LARP1B: variants seen among roughly 807,000 people sequenced by gnomAD.
LARP1B encodes the protein La ribonucleoprotein 1B, also known as la-related protein 1B.
Under a neutral mutation model 114.2 loss-of-function variants are expected in LARP1B, and 76 were observed. That is an observed-to-expected ratio of 0.67 (90% confidence interval 0.55 to 0.81). The LOEUF is 0.81. Among genes scored for constraint, LARP1B ranks in the 30% least tolerant of loss-of-function variants. The pLI is 0.00. For missense variants in LARP1B, 1,014 were observed against 1,075.8 expected, an observed-to-expected ratio of 0.94 and a Z score of 0.80; for synonymous variants, 345 against 348.0, an observed-to-expected ratio of 0.99 and a Z score of 0.10.
At chr4:128,171,505 TCTTTCAAGCGTGTTTTA>T (rs919523624) in intron 12 of LARP1B, among the ~76,000 whole-genome samples, 2 of 152,176 alleles carry the variant, frequency 1.3e-5, no homozygotes, top group Non-Finnish European at 2.9e-5. Context: ...TGTTTGATTG[TCTTTCAAGCGTGTTTTA>T]CTTTCAAGCG....
intron 11 of LARP1B, chr4:128,156,221 TC>T: frequency 6.4e-7 from 1 of 1,553,458 alleles, no homozygotes; most frequent in South Asian, 1.2e-5. Flanking sequence ...CGAGCCTTAC[TC>T]CCTGCAGGTG....
At chr4:128,157,140 AAAAAT>A (rs1273612667) in intron 11 of LARP1B, among the ~76,000 whole-genome samples, 1 of 152,112 alleles carries the variant, frequency 6.6e-6, no homozygotes, top group Non-Finnish European at 1.5e-5. Flanking sequence ...TAATAAGTTA[AAAAAT>A]AAAAGATAAG....
At chr4:128,162,338 G>GT (rs1360741335) in intron 12 of LARP1B, 21 bp downstream of exon 12, 3 of 1,606,494 alleles carry the variant, frequency 1.9e-6, no homozygotes, top group East Asian at 4.5e-5. Context: ...CTGCTTTTGT[G>GT]TAAGTGTCTG....
chr4:128,095,489 C>CAA (rs11311661), intron 7 of LARP1B, among the ~76,000 whole-genome samples: 7 of 61,260 alleles, frequency 1.1e-4, no homozygotes, highest in Admixed American at 2.0e-4. Context: ...AACTCCATCT[C>CAA]AAAAAAAAAA....
chr4:128,164,784 A>G lies in LARP1B; in HGVS notation c.1648+2467A>G, dbSNP rs192112750. ...AGACCAGCCTGGGCATACTGTTGCA[A>G]ATGTTTACCAAGAGAACATTTGTAG... On this transcript the variant is annotated intron_variant, in intron 12 of 19. Transcript: ENST00000326639. Among the ~76,000 whole-genome samples the G allele has an allele frequency of 1.3e-3, 196 of 152,296 alleles. 1 individual carries two copies. The highest frequency in any genetic ancestry group is 6.1e-3 in the Admixed American group (93 of 15,290).
intron 5 of LARP1B, among the ~76,000 whole-genome samples, chr4:128,088,348 T>G (rs1413929278): frequency 6.6e-6 from 1 of 152,210 alleles, no homozygotes; most frequent in Non-Finnish European, 1.5e-5. Context: ...GTTTCTTTCA[T>G]GTTTTGAAAT....
At chr4:128,166,037 C>G (rs1740666011) in intron 12 of LARP1B, among the ~76,000 whole-genome samples, 1 of 152,000 alleles carries the variant, frequency 6.6e-6, no homozygotes, top group African/African-American at 2.4e-5. Flanking sequence ...GACCAGACCT[C>G]CATCCTGTAT....
chr4:128,199,482 A>G lies in LARP1B; in HGVS notation c.2047A>G (p.Ser683Gly), dbSNP rs751008946. Residue 683 changes from serine to glycine, a missense_variant, in exon 16 of 20, where the codon AGT (serine) becomes GGT (glycine). By Grantham distance (56) the Ser-to-Gly change is moderately conservative. Transcript: ENST00000326639. ...SPSEGAPLAG[S>G]YGCTPHSFPK... is the part of the protein sequence containing the mutation. ...TTCAGAAGGCGCACCACTAGCAGGA[A>G]GTTATGGATGTACTCCTCATTCATT... 4.4e-6 allele frequency: 7 copies of G among 1,598,700 alleles called. No homozygotes were observed. Among genetic ancestry groups the G allele is most frequent in the Non-Finnish European group, 4.3e-6 (5 of 1,172,010 alleles).
At chr4:128,183,402 G>A (rs1749231086) in intron 15 of LARP1B, among the ~76,000 whole-genome samples, 1 of 152,174 alleles carries the variant, frequency 6.6e-6, no homozygotes. Flanking sequence ...ATCTGCTTAT[G>A]CTCTATAAAT....
intron 12 of LARP1B, among the ~76,000 whole-genome samples, chr4:128,174,925 G>T (rs1745273587): frequency 6.6e-6 from 1 of 152,018 alleles, no homozygotes; most frequent in South Asian, 2.1e-4. Context: ...GTCCCTAATT[G>T]TGTGACGTAT....
intron 12 of LARP1B, among the ~76,000 whole-genome samples, chr4:128,169,561 G>A (rs1321794912): frequency 6.6e-6 from 1 of 151,880 alleles, no homozygotes; most frequent in Non-Finnish European, 1.5e-5. Flanking sequence ...TTATTGATTT[G>A]AGAGTTTCTT....
intron 1 of LARP1B, among the ~76,000 whole-genome samples, chr4:128,072,705 C>T (rs1015413840): frequency 2.0e-5 from 3 of 152,060 alleles, no homozygotes; most frequent in East Asian, 1.9e-4. Flanking sequence ...TACAGGCATG[C>T]GCCACCACAC....
At chr4:128,192,138 T>A (rs1752500573) in intron 15 of LARP1B, among the ~76,000 whole-genome samples, 1 of 152,218 alleles carries the variant, frequency 6.6e-6, no homozygotes, top group South Asian at 2.1e-4. Flanking sequence ...GACATCATTG[T>A]CTCAATAAAG....
intron 15 of LARP1B, among the ~76,000 whole-genome samples, chr4:128,199,061 T>TC (rs1286536595): frequency 6.6e-6 from 1 of 152,206 alleles, no homozygotes; most frequent in Non-Finnish European, 1.5e-5. Context: ...ATCCCTAATC[T>TC]CCATGTATTC....
rs1033262167 is a variant in LARP1B, at chr4:128,132,541, C to T, written c.1524+10353C>T. On this transcript the variant is annotated intron_variant, in intron 11 of 19. Coordinates refer to ENST00000326639, the MANE Select transcript of LARP1B (RefSeq NM_018078.4). ...GATTACAGGGGTGAGCCACTGTGCC[C>T]GGCCAATTTTTAAATTTTTATTTTT... 5.9e-5 allele frequency among the ~76,000 whole-genome samples: 9 copies of T among 151,936 alleles called. No homozygotes were observed. The South Asian group carries it at 1.0e-3, about 18-fold the overall frequency.
chr4:128,138,374 G>C (rs1726377495), intron 11 of LARP1B, among the ~76,000 whole-genome samples: 1 of 152,292 alleles, frequency 6.6e-6, no homozygotes, highest in African/African-American at 2.4e-5. Context: ...TCAAAATGGA[G>C]TGGAAAAGAA....
At chr4:128,097,889 A>G (rs1778648340) in intron 7 of LARP1B, among the ~76,000 whole-genome samples, 1 of 152,156 alleles carries the variant, frequency 6.6e-6, no homozygotes, top group Admixed American at 6.5e-5. Context: ...AAAATTATTG[A>G]ACTATTTTAA....
chr4:128,091,120 G>C lies in LARP1B; in HGVS notation c.478G>C (p.Gly160Arg), dbSNP rs1219437718. Residue 160 changes from glycine (G) to arginine (R), a missense_variant, in exon 6 of 20, where the codon GGA (glycine) becomes CGA (arginine). Coordinates refer to ENST00000326639, the MANE Select transcript of LARP1B (RefSeq NM_018078.4). Reference sequence around the variant, plus strand: ...AGGAAGAGGCCGAGGACGGGGAAGAGGACGAGGCAGAGGAAATCCTCGATG... The same window carrying C: ...AGGAAGAGGCCGAGGACGGGGAAGACGACGAGGCAGAGGAAATCCTCGATG... Reference protein sequence around the residue: ...GRGRGRGRGRGRGRGNPRLNF... With the variant: ...GRGRGRGRGRRRGRGNPRLNF... 1 of 1,613,634 alleles carries C rather than the reference G, an allele frequency of 6.2e-7. No individual in the cohort carries two copies. Among genetic ancestry groups the C allele is most frequent in the Non-Finnish European group, 8.5e-7 (1 of 1,179,848 alleles).
At chr4:128,104,487 A>G (rs1781396195) in intron 8 of LARP1B, among the ~76,000 whole-genome samples, 2 of 151,966 alleles carry the variant, frequency 1.3e-5, no homozygotes, top group Admixed American at 6.6e-5. Flanking sequence ...TCTATGGCCC[A>G]GGCTGGAGTT....
Sources: allele counts gnomAD v4.1 joint callset (sites outside exome capture counted in the v4.1 genomes callset), GRCh38; gene constraint gnomAD v4.1.1; transcripts MANE v1.5; gene names NCBI Gene and HGNC (gene_info 2026-07-23, HGNC 2026-07-21).